FSTL5: variants seen among roughly 807,000 people sequenced by gnomAD.
The protein encoded by FSTL5 is follistatin-related protein 5.
Under a neutral mutation model 89.1 loss-of-function variants are expected in FSTL5, and 62 were observed. The ratio of observed to expected loss-of-function variants is 0.70; its 90% CI spans 0.57 to 0.86. The LOEUF is 0.86. FSTL5 is among the 40% of genes least tolerant of loss of function. The pLI is 0.00. For synonymous variants in FSTL5, 383 were observed against 346.2 expected (o/e 1.11, Z -1.18); for missense variants, 1,057 against 1,001.6 (o/e 1.06, Z -0.75).
intron 6 of FSTL5, among the ~76,000 whole-genome samples, chr4:161,697,180 G>C (rs1738200362): frequency 6.6e-6 from 1 of 152,148 alleles, no homozygotes; most frequent in African/African-American, 2.4e-5. Flanking sequence ...CCATCCTCAA[G>C]GTTGCCTGCC....
intron 2 of FSTL5, among the ~76,000 whole-genome samples, chr4:162,071,528 C>T (rs1729622972): frequency 6.6e-6 from 1 of 151,734 alleles, no homozygotes; most frequent in Non-Finnish European, 1.5e-5. Context: ...AAGGAATAGA[C>T]TCCAATACAA....
chr4:161,605,156 A>T (rs1734391472), intron 7 of FSTL5, among the ~76,000 whole-genome samples: 1 of 152,204 alleles, frequency 6.6e-6, no homozygotes, highest in Non-Finnish European at 1.5e-5. Context: ...AGGGATTAGC[A>T]TACAGAAAAT....
chr4:161,769,578 G>A (rs964268065), intron 5 of FSTL5, among the ~76,000 whole-genome samples: 1 of 151,762 alleles, frequency 6.6e-6, no homozygotes, highest in Non-Finnish European at 1.5e-5. Context: ...AGAAAGAAGA[G>A]CAAAAAGCAT....
At chr4:161,484,891 G>T (rs1319220024) in intron 12 of FSTL5, among the ~76,000 whole-genome samples, 3 of 152,158 alleles carry the variant, frequency 2.0e-5, no homozygotes, top group Non-Finnish European at 4.4e-5. Context: ...GCAAGGCAGA[G>T]ATTGGCAAAT....
At chr4:162,014,868 AAAG>A (rs1172639911) in intron 3 of FSTL5, among the ~76,000 whole-genome samples, 9 of 152,188 alleles carry the variant, frequency 5.9e-5, no homozygotes, top group East Asian at 1.9e-4. Flanking sequence ...TTTCTTAAAA[AAAG>A]AAGAAGGAAA....
intron 2 of FSTL5, among the ~76,000 whole-genome samples, chr4:162,055,776 GC>G (rs1738523911): frequency 6.6e-6 from 1 of 151,858 alleles, no homozygotes; most frequent in Non-Finnish European, 1.5e-5. Context: ...TAGACAGATT[GC>G]TAAAATGGAG....
chr4:161,929,660 C>CGT (rs765281533), intron 3 of FSTL5, among the ~76,000 whole-genome samples: 32,540 of 126,338 alleles, frequency 0.26, 3,686 homozygotes, highest in African/African-American at 0.3. Context: ...TAGGTAGGCA[C>CGT]GTGTGTGTGT....
At chr4:161,452,163 A>G (rs1021192789) in intron 15 of FSTL5, among the ~76,000 whole-genome samples, 9 of 152,136 alleles carry the variant, frequency 5.9e-5, no homozygotes, top group Non-Finnish European at 1.5e-5. Context: ...ATTTAACTAC[A>G]TGCTGAATTT....
intron 15 of FSTL5, among the ~76,000 whole-genome samples, chr4:161,402,931 C>T (rs1265802086): frequency 4.6e-5 from 7 of 151,856 alleles, no homozygotes; most frequent in African/African-American, 9.7e-5. Context: ...ACGCTATTCT[C>T]CTGCCTCAGC....
chr4:161,717,239 T>A (rs765745730), intron 6 of FSTL5, among the ~76,000 whole-genome samples: 1 of 152,226 alleles, frequency 6.6e-6, no homozygotes, highest in Non-Finnish European at 1.5e-5. Context: ...CTATTTTCTT[T>A]AGAGATTTTA....
chr4:161,474,789 C>T (rs990931137), intron 13 of FSTL5, among the ~76,000 whole-genome samples: 4 of 152,126 alleles, frequency 2.6e-5, no homozygotes, highest in African/African-American at 4.8e-5. Context: ...TCATGATCCA[C>T]CCACCTCAGC....
At chr4:161,553,242 A>G (rs1001057824) in intron 8 of FSTL5, among the ~76,000 whole-genome samples, 3 of 151,406 alleles carry the variant, frequency 2.0e-5, no homozygotes, top group Non-Finnish European at 4.4e-5. Flanking sequence ...CAATACAATC[A>G]TATAATATAA....
At chr4:161,819,995 T>A (rs1043508648) in intron 4 of FSTL5, among the ~76,000 whole-genome samples, 8 of 152,134 alleles carry the variant, frequency 5.3e-5, no homozygotes, top group Non-Finnish European at 2.9e-5. Context: ...TATTGAAGAC[T>A]CTTTTTAGTT....
rs1362137040 is a variant in FSTL5, at chr4:161,686,335, TATATATA to T, written c.728-29848_728-29842del. On this transcript the variant is annotated intron_variant, in intron 6 of 15. Coordinates refer to ENST00000306100, the MANE Select transcript of FSTL5 (RefSeq NM_020116.5). ...ATATATATATATATATATATATATA[TATATATA>T]TATATTTTTTTTTTTTTTTTTTTTT... 8.7e-3 allele frequency among the ~76,000 whole-genome samples: 74 copies of T among 8,464 alleles called. 1 individual carries two copies. The highest frequency in any genetic ancestry group is 0.013 in the Non-Finnish European group (58 of 4,622). The allele number at this position is 8,464 out of a possible 152,430, so 5.6% of individuals were successfully genotyped here.
chr4:161,677,906 C>T (rs779607061), intron 6 of FSTL5, among the ~76,000 whole-genome samples: 1 of 151,674 alleles, frequency 6.6e-6, no homozygotes, highest in Non-Finnish European at 1.5e-5. Flanking sequence ...CTTCATTTTG[C>T]CGTTCCACAA....
intron 15 of FSTL5, among the ~76,000 whole-genome samples, chr4:161,431,922 G>A (rs1732388627): frequency 1.3e-5 from 2 of 152,032 alleles, no homozygotes; most frequent in African/African-American, 2.4e-5. Context: ...TTTAATAATT[G>A]TAAATATATA....
intron 13 of FSTL5, among the ~76,000 whole-genome samples, chr4:161,460,851 C>T (rs1182668271): frequency 6.6e-6 from 1 of 151,626 alleles, no homozygotes; most frequent in Non-Finnish European, 1.5e-5. Context: ...TTGGCAAGCA[C>T]CACAGATCCA....
chr4:161,492,945 A>G (rs1329663919), intron 12 of FSTL5, among the ~76,000 whole-genome samples: 3 of 152,112 alleles, frequency 2.0e-5, no homozygotes, highest in East Asian at 3.9e-4. Context: ...TTGAAACACT[A>G]TTTCCTGTAG....
chr4:161,836,176 T>C (rs1731032684), intron 4 of FSTL5, among the ~76,000 whole-genome samples: 2 of 151,554 alleles, frequency 1.3e-5, no homozygotes, highest in African/African-American at 4.9e-5. Flanking sequence ...AAATTGGAAA[T>C]CATCATTCTG....
Sources: gnomAD v4.1 joint callset for allele counts (sites outside exome capture counted in the v4.1 genomes callset) on GRCh38, gnomAD v4.1.1 for gene constraint, MANE v1.5 for transcripts, NCBI Gene and HGNC (gene_info 2026-07-23, HGNC 2026-07-21) for gene names.